SRPK2: variants seen among roughly 807,000 people sequenced by gnomAD.
The protein encoded by SRPK2 is SRSF protein kinase 2.
A neutral mutation model predicts 90.8 loss-of-function variants in SRPK2; 21 were observed. The ratio of observed to expected loss-of-function variants is 0.23; its 90% CI spans 0.16 to 0.33. The LOEUF is 0.33. SRPK2 is among the 10% of genes least tolerant of loss of function. The pLI is 1.00. For synonymous variants in SRPK2, 288 were observed against 311.1 expected, an observed-to-expected ratio of 0.93 and a Z score of 0.78; for missense variants, 620 against 869.0, an observed-to-expected ratio of 0.71 and a Z score of 3.60.
At chr7:105,270,644 G>C (rs913264485) in intron 2 of SRPK2, among the ~76,000 whole-genome samples, 1 of 151,816 alleles carries the variant, frequency 6.6e-6, no homozygotes, top group African/African-American at 2.4e-5. Context: ...CCTGACCTCA[G>C]ATGATGCGCC....
intron 2 of SRPK2, among the ~76,000 whole-genome samples, chr7:105,229,059 G>A (rs1487762086): frequency 1.3e-5 from 2 of 152,050 alleles, no homozygotes; most frequent in Non-Finnish European, 1.5e-5. Context: ...TTTTAAAAAG[G>A]CTGGCCCAAG....
intron 2 of SRPK2, among the ~76,000 whole-genome samples, chr7:105,257,303 G>C (rs1001764436): frequency 2.0e-5 from 3 of 152,194 alleles, no homozygotes; most frequent in African/African-American, 7.2e-5. Context: ...GTTGAAAGTA[G>C]AGTTTTTATT....
chr7:105,378,856 A>G (rs2132610567), intron 2 of SRPK2, among the ~76,000 whole-genome samples: 1 of 152,260 alleles, frequency 6.6e-6, no homozygotes, highest in South Asian at 2.1e-4. Flanking sequence ...AATAGGTAAA[A>G]TTTATTACAA....
At chr7:105,160,418 A>C (rs902351690) in intron 7 of SRPK2, 89 bp downstream of exon 7, 9 of 715,768 alleles carry the variant, frequency 1.3e-5, no homozygotes, top group Admixed American at 8.5e-5. Context: ...ATACATATGT[A>C]ATACATATAC....
intron 2 of SRPK2, among the ~76,000 whole-genome samples, chr7:105,373,929 G>C (rs1017162254): frequency 6.6e-6 from 1 of 151,576 alleles, no homozygotes; most frequent in Non-Finnish European, 1.5e-5. Flanking sequence ...AATTTCTCCC[G>C]ACTTTCTTTC....
At chr7:105,274,286 G>A (rs1038033013) in intron 2 of SRPK2, among the ~76,000 whole-genome samples, 2 of 151,980 alleles carry the variant, frequency 1.3e-5, no homozygotes, top group Non-Finnish European at 2.9e-5. Flanking sequence ...TGAAGGCCAG[G>A]CACAGTGGCT....
At chr7:105,143,459 C>T (rs1804093951) in intron 9 of SRPK2, 129 bp from the exon 10 acceptor site, 2 of 1,151,448 alleles carry the variant, frequency 1.7e-6, no homozygotes, top group Admixed American at 5.1e-5. Flanking sequence ...AATCCCAAAC[C>T]CAGACAGATC....
intron 2 of SRPK2, among the ~76,000 whole-genome samples, chr7:105,305,124 C>T (rs903709052): frequency 3.9e-5 from 6 of 152,138 alleles, no homozygotes; most frequent in African/African-American, 1.4e-4. Flanking sequence ...TTGGAGACAA[C>T]AGAGGATGAT....
chr7:105,181,687 G>C (rs1792831513), intron 3 of SRPK2, among the ~76,000 whole-genome samples: 1 of 152,076 alleles, frequency 6.6e-6, no homozygotes, highest in African/African-American at 2.4e-5. Context: ...AAGACACAAA[G>C]AGGGGAACAA....
chr7:105,258,437 A>G (rs1409354347), intron 2 of SRPK2, among the ~76,000 whole-genome samples: 3 of 144,788 alleles, frequency 2.1e-5, no homozygotes, highest in South Asian at 4.5e-4. Context: ...AAAAAAAAAG[A>G]AAGAAAAAAA....
chr7:105,301,688 A>C, intron 2 of SRPK2: 2 of 1,611,506 alleles, frequency 1.2e-6, no homozygotes, highest in Non-Finnish European at 1.7e-6. Flanking sequence ...ACATATCCCC[A>C]AACACCTCCA....
intron 2 of SRPK2, among the ~76,000 whole-genome samples, chr7:105,225,736 AT>A (rs1798628703): frequency 1.3e-5 from 2 of 152,120 alleles, no homozygotes; most frequent in Non-Finnish European, 2.9e-5. Context: ...AAATTCAGTA[AT>A]TTTTTTCCCA....
chr7:105,365,947 A>G (rs902336309), intron 2 of SRPK2, among the ~76,000 whole-genome samples: 6 of 151,306 alleles, frequency 4.0e-5, no homozygotes, highest in Non-Finnish European at 7.4e-5. Flanking sequence ...CGCTGCCTCC[A>G]GGGTTCAAGT....
Position 105,362,686 on chromosome 7 carries a change from C to T in SRPK2, c.71+25962G>A, listed in dbSNP as rs372865145. Reference sequence around the variant, plus strand: ...AGAAATACCATTTCACCCAGCCATCCCATTAACGGGTATATACCCAAAGGA... The same window carrying T: ...AGAAATACCATTTCACCCAGCCATCTCATTAACGGGTATATACCCAAAGGA... On this transcript the variant is annotated intron_variant, in intron 2 of 15. Coordinates refer to ENST00000393651, the MANE Select transcript of SRPK2 (RefSeq NM_182692.3). 6.6e-5 allele frequency among the ~76,000 whole-genome samples: 10 copies of T among 152,160 alleles called. No homozygotes were observed. The South Asian group carries it at 2.1e-3, about 32-fold the overall frequency.
intron 2 of SRPK2, among the ~76,000 whole-genome samples, chr7:105,281,385 C>T (rs1040142113): frequency 3.3e-5 from 5 of 152,130 alleles, no homozygotes; most frequent in African/African-American, 1.2e-4. Flanking sequence ...CATGAGCAAC[C>T]ACGCCTGGCC....
upstream of SRPK2, among the ~76,000 whole-genome samples, chr7:105,389,858 T>C (rs1432325295): frequency 1.3e-5 from 2 of 152,190 alleles, no homozygotes; most frequent in African/African-American, 2.4e-5. Context: ...GACTATTAAC[T>C]CCCTCATTGG....
intron 3 of SRPK2, among the ~76,000 whole-genome samples, chr7:105,194,097 T>A (rs1216267077): frequency 6.6e-6 from 1 of 152,164 alleles, no homozygotes; most frequent in Non-Finnish European, 1.5e-5. Flanking sequence ...TAATTTTGAT[T>A]AAGTCTAATT....
At chr7:105,267,739 T>C (rs1200653295) in intron 2 of SRPK2, among the ~76,000 whole-genome samples, 2 of 152,200 alleles carry the variant, frequency 1.3e-5, no homozygotes, top group Non-Finnish European at 2.9e-5. Flanking sequence ...TTTAAATAAA[T>C]CCATTTTACC....
rs955951116 is a variant in SRPK2, at chr7:105,326,880, G to A, written c.71+61768C>T. ...AGTTCAAGACCAGCCTGACCAACAT[G>A]GTGAAACCCGGTCTCTACTAAAAAT... On this transcript the variant is annotated intron_variant, in intron 2 of 15. Coordinates refer to ENST00000393651, the MANE Select transcript of SRPK2 (RefSeq NM_182692.3). 3.9e-5 allele frequency among the ~76,000 whole-genome samples: 6 copies of A among 152,012 alleles called. No individual in the cohort carries two copies. In the East Asian group the frequency reaches 1.2e-3, roughly 29 times the overall value.
Sources: allele counts gnomAD v4.1 joint callset (sites outside exome capture counted in the v4.1 genomes callset), GRCh38; gene constraint gnomAD v4.1.1; transcripts MANE v1.5; gene names NCBI Gene and HGNC (gene_info 2026-07-23, HGNC 2026-07-21).